Variants in ERO1B observed in about 807,000 individuals in gnomAD.
ERO1B encodes ERO1-like protein beta.
A neutral mutation model predicts 75.3 loss-of-function variants in ERO1B; 49 were observed. That is an observed-to-expected ratio of 0.65 (90% confidence interval 0.52 to 0.83). The LOEUF is 0.83. Among genes scored for constraint, ERO1B ranks in the 40% least tolerant of loss-of-function variants. ERO1B has a pLI of 0.00. For synonymous variants in ERO1B, 191 were observed against 192.9 expected (o/e 0.99, Z 0.08); for missense variants, 512 against 560.1 (o/e 0.91, Z 0.87).
chr1:236,251,525 G>C (rs1310513179), intron 4 of ERO1B: 1 of 923,394 alleles, frequency 1.1e-6, no homozygotes, highest in Non-Finnish European at 1.3e-6. Flanking sequence ...GAGACAGAGA[G>C]AGAGGGTATG....
At chr1:236,258,751 T>G (rs941379356) in intron 2 of ERO1B, among the ~76,000 whole-genome samples, 5 of 152,232 alleles carry the variant, frequency 3.3e-5, no homozygotes, top group African/African-American at 1.2e-4. Flanking sequence ...TAGCTGGGTG[T>G]GCTGGTGTGC....
chr1:236,250,633 C>A (rs1665002676), intron 4 of ERO1B, among the ~76,000 whole-genome samples: 5 of 61,450 alleles, frequency 8.1e-5, no homozygotes, highest in East Asian at 1.1e-3. Context: ...CGTGTGTGTG[C>A]AAACATATAT....
chr1:236,226,220 A>G lies in ERO1B; in HGVS notation c.1052+49T>C, dbSNP rs564142616. On this transcript the variant is annotated intron_variant, in intron 12 of 15. Coordinates refer to ENST00000354619, the MANE Select transcript of ERO1B (RefSeq NM_019891.4). ...TTTTGTGTACTTTAAGTGCTACCTC[A>G]TTTGAATACAGAGAGGAGAATTTCA... The G allele has an allele frequency of 6.0e-5, 96 of 1,593,794 alleles. 1 individual carries two copies. The South Asian group carries it at 1.0e-3, about 17-fold the overall frequency.
chr1:236,224,424 T>G (rs552733794), intron 13 of ERO1B, among the ~76,000 whole-genome samples: 24 of 150,732 alleles, frequency 1.6e-4, no homozygotes, highest in Non-Finnish European at 1.8e-4. Flanking sequence ...GAGACCAGCC[T>G]GGGCAACATA....
chr1:236,223,219 A>G (rs1180246132), intron 13 of ERO1B, among the ~76,000 whole-genome samples: 2 of 151,498 alleles, frequency 1.3e-5, no homozygotes, highest in East Asian at 2.0e-4. Flanking sequence ...AAAAAAAAAA[A>G]AAAAAGAGAA....
chr1:236,235,652 G>T, intron 8 of ERO1B, 137 bp downstream of exon 8: 1 of 726,694 alleles, frequency 1.4e-6, no homozygotes, highest in African/African-American at 1.8e-5. Context: ...ACTCGACTAT[G>T]AACTAATCTT....
At chr1:236,258,197 G>C (rs558349341) in intron 2 of ERO1B, among the ~76,000 whole-genome samples, 1 of 137,086 alleles carries the variant, frequency 7.3e-6, no homozygotes, top group African/African-American at 2.7e-5. Context: ...ATGAAAACTT[G>C]ATAGGAGGAA....
intron 6 of ERO1B, among the ~76,000 whole-genome samples, chr1:236,241,250 A>G (rs759574426): frequency 3.3e-5 from 5 of 152,134 alleles, no homozygotes; most frequent in Non-Finnish European, 4.4e-5. Flanking sequence ...AGTAATTTTA[A>G]AAACTACTAT....
chr1:236,262,566 A>AT lies in ERO1B; in HGVS notation c.222+7308dup, dbSNP rs59083118. Among the ~76,000 whole-genome samples the AT allele has an allele frequency of 1.3e-3, 198 of 150,100 alleles. 1 individual carries two copies. The highest frequency in any genetic ancestry group is 5.5e-3 in the South Asian group (26 of 4,722). ...TACAGTTGCACATCACTACTGCCTAATTTTTTTTTTGTATTTTTAGTAGAG... is the reference window on the plus strand; with the variant it reads ...TACAGTTGCACATCACTACTGCCTAATTTTTTTTTTTGTATTTTTAGTAGAG... On this transcript the variant is annotated intron_variant, in intron 2 of 15. Transcript: ENST00000354619.
chr1:236,221,809 G>T, intron 14 of ERO1B, 115 bp downstream of exon 14: 1 of 757,360 alleles, frequency 1.3e-6, no homozygotes, highest in Non-Finnish European at 2.2e-6. Flanking sequence ...CCTTGGATCT[G>T]CCTATTCCTA....
intron 2 of ERO1B, among the ~76,000 whole-genome samples, chr1:236,268,661 C>G (rs12563092): frequency 6.7e-6 from 1 of 150,212 alleles, no homozygotes; most frequent in Non-Finnish European, 1.5e-5. Context: ...CCAAGGCGGG[C>G]GGATCACAAG....
At chr1:236,252,202 G>A (rs1237999051) in intron 3 of ERO1B, 111 bp from the exon 4 acceptor site, 1 of 700,454 alleles carries the variant, frequency 1.4e-6, no homozygotes, top group Non-Finnish European at 2.5e-6. Context: ...TTTACTCTAT[G>A]AGGGGCAAAT....
Position 236,281,721 on chromosome 1 carries a change from C to T in ERO1B, c.63G>A (p.Leu21=). Residue 21 remains leucine, a synonymous_variant, in exon 1 of 16, where the codon CTG becomes CTA. Transcript: ENST00000354619. ...GQGVAAAVQL[L]VTLSFLRSVV... is the part of the protein sequence containing the mutation. ...CGCTCCGCAGGAAGCTCAGGGTGAC[C>T]AGCAGCTGCACCGCGGCCGCTACCC... 6.6e-7 allele frequency: 1 copy of T among 1,514,486 alleles called. No individual in the cohort carries two copies. Among genetic ancestry groups the T allele is most frequent in the Non-Finnish European group, 8.8e-7 (1 of 1,134,602 alleles). 93.8% of individuals were successfully genotyped at this position (1,514,486 alleles called of 1,614,324 possible).
intron 1 of ERO1B, among the ~76,000 whole-genome samples, chr1:236,271,387 T>C (rs1294855891): frequency 1.3e-5 from 2 of 152,174 alleles, no homozygotes; most frequent in East Asian, 1.9e-4. Context: ...GTTAGGGCTA[T>C]ATTATCTTGA....
At chr1:236,246,431 C>A (rs970772038) in intron 5 of ERO1B, among the ~76,000 whole-genome samples, 1 of 152,164 alleles carries the variant, frequency 6.6e-6, no homozygotes, top group Non-Finnish European at 1.5e-5. Context: ...CTTGGCCTCC[C>A]AAAGTACTGG....
rs200040827 is a variant in ERO1B at position 236,253,468 on chromosome 1, T to C, written c.260A>G (p.Asp87Gly). The C allele has an allele frequency of 1.5e-4, 234 of 1,611,044 alleles. No individual in the cohort carries two copies. Among genetic ancestry groups the C allele is most frequent in the Non-Finnish European group, 1.9e-4 (220 of 1,178,374 alleles). ...ACAGTCTTTTATTGAACAGTGGCCA[T>C]CTTCTGCCCAGAAAGGACAAGGTCG... Reference protein sequence around the residue: ...LKRPCPFWAEDGHCSIKDCHV... With the variant: ...LKRPCPFWAEGGHCSIKDCHV... Residue 87 changes from aspartate to glycine, a missense_variant, in exon 3 of 16, where the codon GAT becomes GGT. By Grantham distance (94) the Asp-to-Gly change is moderately conservative. Transcript: ENST00000354619.
chr1:236,245,907 GTGA>G (rs922850681), intron 5 of ERO1B, among the ~76,000 whole-genome samples: 5 of 151,310 alleles, frequency 3.3e-5, no homozygotes, highest in Admixed American at 6.6e-5. Context: ...TATCTTAATT[GTGA>G]TGATGTTATA....
rs1663964355 is a variant in ERO1B at position 236,215,997 on chromosome 1, A to G, written c.*2519T>C. On this transcript the variant is annotated 3_prime_UTR_variant, in exon 16 of 16. Transcript: ENST00000354619. The stretch of plus-strand genomic sequence containing the variant: ...AAACGTTTTGACTTATCAAATTTCA[A>G]AAGTGTGGAGTCTTATTCTGTCTGA... 6.6e-6 allele frequency: 1 copy of G among 152,218 alleles called. No homozygotes were observed. The highest frequency in any genetic ancestry group is 2.1e-4 in the South Asian group (1 of 4,830). 9.4% of individuals were successfully genotyped at this position (152,218 alleles called of 1,614,324 possible). A position where few individuals can be genotyped will look rare whatever the true frequency, so the allele number is the denominator to read the frequency against.
chr1:236,250,703 CACATATATATATACATACGT>C (rs1665004593), intron 4 of ERO1B, among the ~76,000 whole-genome samples: 1 of 132,544 alleles, frequency 7.5e-6, no homozygotes, highest in African/African-American at 2.8e-5. Context: ...TATATACACA[CACATATATATATACATACGT>C]ACATATATAT....
Sources: allele counts gnomAD v4.1 joint callset (sites outside exome capture counted in the v4.1 genomes callset), GRCh38; gene constraint gnomAD v4.1.1; transcripts MANE v1.5; gene names NCBI Gene and HGNC (gene_info 2026-07-23, HGNC 2026-07-21).